The following PTPRN2 variants were observed in gnomAD, a reference collection of about 807,000 sequenced individuals.
The protein encoded by PTPRN2 is receptor-type tyrosine-protein phosphatase N2.
PTPRN2 carries 74 observed loss-of-function variants against 118.8 expected under a neutral mutation model. That is an observed-to-expected ratio of 0.62 (90% confidence interval 0.52 to 0.76). The LOEUF (loss-of-function observed/expected upper bound fraction) is 0.76, where lower values mean the gene tolerates loss of function less well. Ranked by LOEUF, PTPRN2 falls within the 30% of genes least tolerant of loss-of-function variation. The pLI is 0.00. For synonymous variants in PTPRN2, 641 were observed against 608.0 expected (o/e 1.05, Z -0.80); for missense variants, 1,481 against 1,394.4 (o/e 1.06, Z -0.99).
intron 12 of PTPRN2, among the ~76,000 whole-genome samples, chr7:157,872,306 C>T (rs368434688): frequency 2.0e-3 from 244 of 121,470 alleles, no homozygotes; most frequent in African/African-American, 6.2e-3. Context: ...CACACGCATA[C>T]CCAGTGTCCT....
chr7:157,952,471 G>T (rs902212039), intron 11 of PTPRN2, among the ~76,000 whole-genome samples: 3 of 124,088 alleles, frequency 2.4e-5, no homozygotes, highest in African/African-American at 5.3e-5. Flanking sequence ...CGGGGTGGGG[G>T]ACACAGGGAG....
At chr7:158,218,566 G>T (rs568753776) in intron 3 of PTPRN2, among the ~76,000 whole-genome samples, 1 of 152,050 alleles carries the variant, frequency 6.6e-6, no homozygotes. Flanking sequence ...CAAATGACAG[G>T]ATTAAATCCT....
At chr7:158,328,793 TCCCCC>T (rs368096894) in intron 2 of PTPRN2, among the ~76,000 whole-genome samples, 6 of 133,934 alleles carry the variant, frequency 4.5e-5, no homozygotes, top group African/African-American at 1.1e-4. Flanking sequence ...GGGCCTCCAT[TCCCCC>T]CCCCCCGCCA....
At chr7:157,631,076 C>G (rs1450290463) in intron 14 of PTPRN2, among the ~76,000 whole-genome samples, 1 of 152,156 alleles carries the variant, frequency 6.6e-6, no homozygotes, top group Non-Finnish European at 1.5e-5. Flanking sequence ...ATTCTGAGGA[C>G]CACCTAGAAT....
chr7:158,495,898 G>A (rs1325847386), intron 1 of PTPRN2, among the ~76,000 whole-genome samples: 3 of 152,050 alleles, frequency 2.0e-5, no homozygotes, highest in African/African-American at 7.2e-5. Flanking sequence ...CAATTTCAAA[G>A]ACAAAAGGAA....
chr7:158,133,949 G>A lies in PTPRN2; in HGVS notation c.1284C>T (p.Ser428=), dbSNP rs143100866. The change falls in exon 9 of 23, where the codon TCC becomes TCT. Residue 428 remains serine (S), a synonymous_variant. Coordinates refer to ENST00000389418, the MANE Select transcript of PTPRN2 (RefSeq NM_002847.5). ...ARPLDMERKK[S]EHPESSLSSE... is the part of the protein sequence containing the mutation. ...AAGACAGGGAAGACTCAGGGTGCTC[G>A]GACTTCTTCCTCTCCATGTCGAGGG... The A allele has an allele frequency of 4.2e-4, 681 of 1,613,990 alleles. 3 individuals are homozygous for A. The African/African-American group carries it at 7.9e-3, about 19-fold the overall frequency.
At chr7:157,567,540 T>C (rs924421868) in intron 21 of PTPRN2, among the ~76,000 whole-genome samples, 1 of 152,188 alleles carries the variant, frequency 6.6e-6, no homozygotes, top group African/African-American at 2.4e-5. Context: ...TATGTCTTTT[T>C]TTTTTTAACC....
At chr7:158,181,823 TCTAG>T (rs1243382443) in intron 5 of PTPRN2, among the ~76,000 whole-genome samples, 1 of 152,226 alleles carries the variant, frequency 6.6e-6, no homozygotes, top group Non-Finnish European at 1.5e-5. Flanking sequence ...TCTTGATTAA[TCTAG>T]CTAATGGTCC....
intron 12 of PTPRN2, among the ~76,000 whole-genome samples, chr7:157,802,451 C>G (rs1585509342): frequency 6.6e-6 from 1 of 152,330 alleles, no homozygotes; most frequent in Non-Finnish European, 1.5e-5. Context: ...CCCACTGGGT[C>G]TATGCACCAC....
chr7:157,849,153 G>A (rs1029966011), intron 12 of PTPRN2, among the ~76,000 whole-genome samples: 6 of 152,190 alleles, frequency 3.9e-5, no homozygotes, highest in African/African-American at 1.4e-4. Context: ...CAGGGTGATG[G>A]AGCTGATTCT....
At chr7:157,781,166 C>T (rs549720792) in intron 12 of PTPRN2, among the ~76,000 whole-genome samples, 1 of 152,326 alleles carries the variant, frequency 6.6e-6, no homozygotes, top group East Asian at 1.9e-4. Context: ...CAGCCCTGAC[C>T]CCACAGCACC....
intron 3 of PTPRN2, among the ~76,000 whole-genome samples, chr7:158,290,094 G>A (rs1415648081): frequency 2.0e-5 from 3 of 152,200 alleles, no homozygotes; most frequent in East Asian, 1.9e-4. Context: ...TGGGCCCAGA[G>A]CTTGAATTTG....
chr7:158,466,350 A>G (rs1160390328), intron 2 of PTPRN2, among the ~76,000 whole-genome samples: 1 of 145,834 alleles, frequency 6.9e-6, no homozygotes, highest in Non-Finnish European at 1.5e-5. Flanking sequence ...CCAGCTTTCC[A>G]CTCTCTGTTT....
chr7:157,574,274 C>A (rs1414938131), intron 19 of PTPRN2: 4 of 451,006 alleles, frequency 8.9e-6, no homozygotes, highest in Non-Finnish European at 2.0e-5. Flanking sequence ...CACCAGCAAG[C>A]AAGGTCAGAG....
intron 22 of PTPRN2, among the ~76,000 whole-genome samples, chr7:157,545,475 C>T (rs1412766909): frequency 2.1e-5 from 3 of 140,662 alleles, no homozygotes; most frequent in African/African-American, 2.7e-5. Flanking sequence ...TCCCTGGCTG[C>T]GTGTGGGTGT....
chr7:157,745,063 G>C (rs540452367), intron 12 of PTPRN2, among the ~76,000 whole-genome samples: 1 of 152,290 alleles, frequency 6.6e-6, no homozygotes, highest in Admixed American at 6.5e-5. Flanking sequence ...CTATGCCACC[G>C]CATCTGGGTT....
At chr7:158,311,872 C>T (rs1431750019) in intron 3 of PTPRN2, among the ~76,000 whole-genome samples, 1 of 148,224 alleles carries the variant, frequency 6.7e-6, no homozygotes, top group Admixed American at 6.6e-5. Context: ...CATGTGTAGA[C>T]ACCCACACAC....
intron 12 of PTPRN2, among the ~76,000 whole-genome samples, chr7:157,872,832 A>G (rs1450647809): frequency 1.3e-5 from 2 of 152,196 alleles, no homozygotes; most frequent in Non-Finnish European, 2.9e-5. Context: ...TAGAGGGGTG[A>G]CGGGTGCTTT....
chr7:158,061,491 GCGCTGA>G (rs59615593), intron 11 of PTPRN2, among the ~76,000 whole-genome samples: 3,802 of 152,318 alleles, frequency 0.025, 136 homozygotes, highest in African/African-American at 0.08. Flanking sequence ...AATGCACTCG[GCGCTGA>G]ACCATCATTG....
Sources: allele counts gnomAD v4.1 joint callset (sites outside exome capture counted in the v4.1 genomes callset), GRCh38; gene constraint gnomAD v4.1.1; transcripts MANE v1.5; gene names NCBI Gene and HGNC (gene_info 2026-07-23, HGNC 2026-07-21).